ADGRL2: variants seen among roughly 807,000 people sequenced by gnomAD.
ADGRL2 encodes the protein adhesion G protein-coupled receptor L2.
Under a neutral mutation model 157.4 loss-of-function variants are expected in ADGRL2, and 44 were observed. The observed-to-expected ratio is 0.28, with a 90% confidence interval of 0.22 to 0.36. The LOEUF (loss-of-function observed/expected upper bound fraction) is 0.36, where lower values mean the gene tolerates loss of function less well. Among genes scored for constraint, ADGRL2 ranks in the 10% least tolerant of loss-of-function variants. ADGRL2 has a pLI of 1.00. For synonymous variants in ADGRL2, 585 were observed against 624.7 expected (o/e 0.94, Z 0.95); for missense variants, 1,510 against 1,768.9 (o/e 0.85, Z 2.63).
At chr1:81,838,194 A>AT (rs2092380891) in intron 2 of ADGRL2, among the ~76,000 whole-genome samples, 1 of 151,946 alleles carries the variant, frequency 6.6e-6, no homozygotes, top group Admixed American at 6.6e-5. Flanking sequence ...TTTTACTTGA[A>AT]TTGCTTGTTC....
intron 2 of ADGRL2, among the ~76,000 whole-genome samples, chr1:81,901,071 AC>A (rs2151625811): frequency 6.6e-6 from 1 of 152,314 alleles, no homozygotes; most frequent in South Asian, 2.1e-4. Context: ...GAAATCTGAA[AC>A]CGGAGTTGCT....
At chr1:81,827,266 A>G (rs2091569826) in intron 1 of ADGRL2, among the ~76,000 whole-genome samples, 3 of 152,176 alleles carry the variant, frequency 2.0e-5, no homozygotes, top group Admixed American at 2.0e-4. Flanking sequence ...GATCTGGGAT[A>G]TATCCAGTAT....
intron 3 of ADGRL2, among the ~76,000 whole-genome samples, chr1:81,923,796 GA>G (rs1169463220): frequency 6.6e-6 from 1 of 152,090 alleles, no homozygotes; most frequent in African/African-American, 2.4e-5. Context: ...ACATACAACA[GA>G]AAGGTGAAAC....
chr1:81,537,271 T>A (rs1258812958), intron 2 of ADGRL2, among the ~76,000 whole-genome samples: 1 of 152,106 alleles, frequency 6.6e-6, no homozygotes, highest in East Asian at 1.9e-4. Flanking sequence ...TATGACTATT[T>A]CTTTTTTTTG....
chr1:81,956,086 A>G (rs202171967), intron 11 of ADGRL2, 26 bp downstream of exon 11: 1 of 1,531,656 alleles, frequency 6.5e-7, no homozygotes, highest in African/African-American at 1.4e-5. Flanking sequence ...GTCAAGTTTA[A>G]TTTTGATTTA....
chr1:81,380,203 G>A (rs560603729), intron 1 of ADGRL2, among the ~76,000 whole-genome samples: 5 of 152,068 alleles, frequency 3.3e-5, no homozygotes, highest in African/African-American at 1.2e-4. Flanking sequence ...TGAAGTGGAC[G>A]TTTTCCCATA....
chr1:81,827,004 A>G (rs1199317616), intron 1 of ADGRL2, among the ~76,000 whole-genome samples: 1 of 150,652 alleles, frequency 6.6e-6, no homozygotes, highest in African/African-American at 2.4e-5. Flanking sequence ...CTTAAATTTT[A>G]AGGAACAGTA....
intron 2 of ADGRL2, among the ~76,000 whole-genome samples, chr1:81,881,525 A>T (rs917974771): frequency 9.2e-5 from 14 of 152,170 alleles, no homozygotes; most frequent in African/African-American, 2.7e-4. Context: ...TTTAATCAAA[A>T]GTTGTTACAA....
intron 1 of ADGRL2, among the ~76,000 whole-genome samples, chr1:81,349,887 T>C (rs1662757407): frequency 6.6e-6 from 1 of 151,960 alleles, no homozygotes; most frequent in Admixed American, 6.6e-5. Flanking sequence ...AACAAAAAAA[T>C]ACATTCTACA....
intron 2 of ADGRL2, among the ~76,000 whole-genome samples, chr1:81,870,625 G>T (rs527725683): frequency 2.0e-5 from 3 of 152,006 alleles, no homozygotes; most frequent in African/African-American, 4.8e-5. Context: ...AGTTGTCAGA[G>T]CTTAAAATGA....
At chr1:81,942,818 A>G in intron 5 of ADGRL2, 151 bp from the exon 6 acceptor site, 2 of 702,690 alleles carry the variant, frequency 2.8e-6, no homozygotes, top group Middle Eastern at 2.3e-4. Flanking sequence ...ACTTTAGAAA[A>G]GAAGGGTAGT....
intron 1 of ADGRL2, among the ~76,000 whole-genome samples, chr1:81,827,552 T>C (rs913126956): frequency 6.6e-6 from 1 of 152,216 alleles, no homozygotes; most frequent in East Asian, 1.9e-4. Flanking sequence ...GGCTCTGTTA[T>C]ACACACACTG....
At chr1:81,805,643 G>T (rs1456264620) in intron 1 of ADGRL2, among the ~76,000 whole-genome samples, 1 of 141,188 alleles carries the variant, frequency 7.1e-6, no homozygotes, top group African/African-American at 2.6e-5. Context: ...CATTGAGATT[G>T]TATATCATTA....
upstream of ADGRL2, among the ~76,000 whole-genome samples, chr1:81,795,922 G>A (rs918326017): frequency 6.6e-6 from 1 of 152,106 alleles, no homozygotes; most frequent in African/African-American, 2.4e-5. Context: ...TTAATTCATC[G>A]TTGACAGTGG....
rs145606039 is a variant in ADGRL2, at chr1:81,411,001, G to T, written c.-301-34035G>T. The stretch of plus-strand genomic sequence containing the variant: ...TCCTGTATTTTAAGGACAAAAAATA[G>T]AAAGAGATTGTATCGGAAAATGTCT... On this transcript the variant is annotated intron_variant, in intron 1 of 24. Coordinates refer to the ADGRL2 transcript ENST00000370721. Among the ~76,000 whole-genome samples, 294 of 152,294 alleles carry T rather than the reference G, an allele frequency of 1.9e-3. 2 individuals carry two copies. Among genetic ancestry groups the T allele is most frequent in the African/African-American group, 6.9e-3 (287 of 41,558 alleles).
In ADGRL2 at chr1:81,950,186, T is replaced by C. The variant is rs755103264; in HGVS notation, c.1211-3T>C. 1 of 1,612,582 alleles carries C rather than the reference T, an allele frequency of 6.2e-7. No individual in the cohort carries two copies. Among genetic ancestry groups the C allele is most frequent in the South Asian group, 1.1e-5 (1 of 91,018 alleles). ...GATTAATATACTCATCTTTTTTCCA[T>C]AGTGCCTACCACAGCTGTGACAATA... is the stretch of plus-strand genomic sequence containing the variant. On this transcript the variant is annotated splice_region_variant and splice_polypyrimidine_tract_variant and intron_variant, in intron 6 of 23. Coordinates refer to ENST00000686636, the MANE Select transcript of ADGRL2 (RefSeq NM_001366006.2).
chr1:81,463,264 T>G (rs2101819232), intron 2 of ADGRL2, among the ~76,000 whole-genome samples: 1 of 152,170 alleles, frequency 6.6e-6, no homozygotes, highest in South Asian at 2.1e-4. Flanking sequence ...CCTCCTTTGC[T>G]AGATGCACCT....
At chr1:81,521,559 A>C (rs1193824350) in intron 2 of ADGRL2, among the ~76,000 whole-genome samples, 2 of 152,198 alleles carry the variant, frequency 1.3e-5, no homozygotes, top group Non-Finnish European at 2.9e-5. Context: ...AAATCATATA[A>C]ACTACTTAGT....
chr1:81,714,599 CA>C (rs1390416760), intron 1 of ADGRL2, among the ~76,000 whole-genome samples: 1 of 152,022 alleles, frequency 6.6e-6, no homozygotes, highest in Non-Finnish European at 1.5e-5. Context: ...AAGTCAGGCA[CA>C]AAACTCTAAA....
Sources: allele counts gnomAD v4.1 joint callset (sites outside exome capture counted in the v4.1 genomes callset), GRCh38; gene constraint gnomAD v4.1.1; transcripts MANE v1.5; gene names NCBI Gene and HGNC (gene_info 2026-07-23, HGNC 2026-07-21).